Variants in ASIC2 observed in about 807,000 individuals in gnomAD.
ASIC2 encodes acid sensing ion channel subunit 2, also known as acid-sensing ion channel 2.
ASIC2 carries 25 observed loss-of-function variants against 57.3 expected under a neutral mutation model. The observed-to-expected ratio is 0.44, with a 90% CI of 0.32 to 0.61. ASIC2 has a LOEUF of 0.61. ASIC2 is among the 20% of genes least tolerant of loss of function. The pLI, the probability that ASIC2 is intolerant of heterozygous loss-of-function variation, is 0.06. For synonymous variants in ASIC2, 319 were observed against 307.5 expected (o/e 1.04, Z -0.39); for missense variants, 641 against 738.1 (o/e 0.87, Z 1.52).
chr17:33,022,288 T>G (rs115384161), intron 6 of ASIC2, among the ~76,000 whole-genome samples: 3,270 of 152,240 alleles, frequency 0.021, 119 homozygotes, highest in African/African-American at 0.072. Context: ...TTGATTCAAA[T>G]TAAATAAAAT....
chr17:33,331,100 T>G (rs1252595337), intron 1 of ASIC2, among the ~76,000 whole-genome samples: 1 of 152,132 alleles, frequency 6.6e-6, no homozygotes, highest in East Asian at 1.9e-4. Context: ...GTTAGATTCT[T>G]CTAGGAGCAC....
chr17:33,121,532 C>A (rs1030423477), intron 1 of ASIC2, among the ~76,000 whole-genome samples: 1 of 152,188 alleles, frequency 6.6e-6, no homozygotes, highest in African/African-American at 2.4e-5. Context: ...ATCCCCTAGA[C>A]TGGCTCCTTG....
chr17:33,994,844 C>T (rs55873051), intron 1 of ASIC2, among the ~76,000 whole-genome samples: 2,308 of 152,180 alleles, frequency 0.015, 34 homozygotes, highest in Admixed American at 0.033. Context: ...CCCAGATTGG[C>T]CTATTTGACC....
In ASIC2 at chr17:33,088,836, T is replaced by C. The variant is rs371416854; in HGVS notation, c.987+27A>G. 287 of 1,593,752 alleles carry C rather than the reference T, an allele frequency of 1.8e-4. 1 individual carries two copies. The African/African-American group carries it at 3.0e-3, about 17-fold the overall frequency. Reference sequence around the variant, plus strand: ...GGGGGTCGGGGGAGGCTGAGGACCATCAATCCTGGGAGCCCAGGGAACTTA... The same window carrying C: ...GGGGGTCGGGGGAGGCTGAGGACCACCAATCCTGGGAGCCCAGGGAACTTA... On this transcript the variant is annotated intron_variant, in intron 3 of 9. Coordinates refer to ENST00000225823, the MANE Select transcript of ASIC2 (RefSeq NM_183377.2).
intron 1 of ASIC2, among the ~76,000 whole-genome samples, chr17:33,366,562 T>A (rs1355264332): frequency 6.6e-6 from 1 of 152,242 alleles, no homozygotes; most frequent in African/African-American, 2.4e-5. Context: ...CCCTCAAATC[T>A]AGATCAAGGA....
At chr17:33,528,683 C>A (rs1304434820) in intron 1 of ASIC2, among the ~76,000 whole-genome samples, 1 of 152,160 alleles carries the variant, frequency 6.6e-6, no homozygotes, top group East Asian at 1.9e-4. Context: ...GCAAGGCTAG[C>A]CGTGCTGCTC....
At position 33,845,347 on chromosome 17, in the gene ASIC2, G is replaced by T. The variant is rs549384638; in HGVS notation, c.555+310631C>A. Among the ~76,000 whole-genome samples the T allele has an allele frequency of 4.8e-4, 73 of 152,194 alleles. 1 individual carries two copies. In the South Asian group the frequency reaches 0.012, roughly 25 times the overall value. The stretch of plus-strand genomic sequence containing the variant: ...AAACTGATCAACTCTCCACCATTTT[G>T]TTTTACGAGTAATATTACCAGAATG... On this transcript the variant is annotated intron_variant, in intron 1 of 9. Transcript: ENST00000359872.
At chr17:33,153,753 C>T (rs1904888739) in intron 1 of ASIC2, among the ~76,000 whole-genome samples, 1 of 152,164 alleles carries the variant, frequency 6.6e-6, no homozygotes, top group Admixed American at 6.5e-5. Flanking sequence ...ACATCAGCTC[C>T]CTTAGGGACT....
At chr17:33,970,201 TATG>T (rs1454818368) in intron 1 of ASIC2, among the ~76,000 whole-genome samples, 11 of 152,154 alleles carry the variant, frequency 7.2e-5, no homozygotes, top group African/African-American at 2.7e-4. Context: ...CACCTTTCAT[TATG>T]ACAACAAAAC....
At chr17:33,739,883 A>G (rs1489485525) in intron 1 of ASIC2, among the ~76,000 whole-genome samples, 1 of 151,434 alleles carries the variant, frequency 6.6e-6, no homozygotes, top group Non-Finnish European at 1.5e-5. Context: ...GAAAAAAGAA[A>G]AGGAAAGAAA....
chr17:33,830,385 C>A (rs1458474224), intron 1 of ASIC2, among the ~76,000 whole-genome samples: 2 of 152,140 alleles, frequency 1.3e-5, no homozygotes. Context: ...TTCACCTGTT[C>A]TTGGCATGAG....
In ASIC2 at chr17:34,156,444, C is replaced by T. The variant is rs1904725672; in HGVS notation, c.89G>A (p.Arg30His). 1 of 1,614,138 alleles carries T rather than the reference C, an allele frequency of 6.2e-7. No individual in the cohort carries two copies. The highest frequency in any genetic ancestry group is 8.5e-7 in the Non-Finnish European group (1 of 1,180,006). Residue 30 changes from arginine to histidine, a missense_variant, in exon 1 of 10, where the codon CGC becomes CAC. Transcript: ENST00000359872. The surrounding 1 kb of genome is among the most constrained non-coding windows in gnomAD (Gnocchi z 4.4). ...CAGCGGCCCATACACGAAGATGTGG[C>T]GGATGCCATGGAGGGTGGAGGTGTT...
intron 1 of ASIC2, among the ~76,000 whole-genome samples, chr17:33,798,418 G>A (rs1268238400): frequency 2.0e-5 from 3 of 152,146 alleles, no homozygotes; most frequent in South Asian, 2.1e-4. Context: ...CAGTGGTGAC[G>A]CATGAATTAG....
At chr17:33,150,849 CAA>C (rs61602373) in intron 1 of ASIC2, among the ~76,000 whole-genome samples, 3 of 18,920 alleles carry the variant, frequency 1.6e-4, no homozygotes, top group Non-Finnish European at 1.6e-4. Context: ...GACTCCGTCT[CAA>C]AAAAAAAAAA....
At chr17:33,706,262 G>A (rs1056421749) in intron 1 of ASIC2, among the ~76,000 whole-genome samples, 3 of 147,876 alleles carry the variant, frequency 2.0e-5, no homozygotes, top group Non-Finnish European at 4.5e-5. Context: ...TGGCTCTGTC[G>A]CTTAGGCTGG....
chr17:33,813,346 C>T (rs1187317176), intron 1 of ASIC2, among the ~76,000 whole-genome samples: 1 of 152,118 alleles, frequency 6.6e-6, no homozygotes, highest in Non-Finnish European at 1.5e-5. Context: ...CAACCGCACT[C>T]AAGGTTGAAA....
At chr17:33,665,356 T>A (rs1375777052) in intron 1 of ASIC2, among the ~76,000 whole-genome samples, 1 of 152,104 alleles carries the variant, frequency 6.6e-6, no homozygotes, top group Non-Finnish European at 1.5e-5. Context: ...AATGGCACCG[T>A]GATGTAAAGC....
intron 1 of ASIC2, among the ~76,000 whole-genome samples, chr17:33,933,983 G>A (rs542321209): frequency 9.3e-4 from 141 of 152,370 alleles, no homozygotes; most frequent in African/African-American, 3.4e-3. Context: ...TTAATCAACA[G>A]AACGTATTTG....
intron 1 of ASIC2, among the ~76,000 whole-genome samples, chr17:33,591,483 C>G (rs1338753783): frequency 2.0e-5 from 3 of 152,206 alleles, no homozygotes; most frequent in Non-Finnish European, 4.4e-5. Flanking sequence ...CTGTCGGCAG[C>G]CGCCATCAAT....
Sources: allele counts gnomAD v4.1 joint callset (sites outside exome capture counted in the v4.1 genomes callset), GRCh38; gene constraint gnomAD v4.1.1; non-coding constraint Gnocchi (gnomAD v3.1); transcripts MANE v1.5; gene names NCBI Gene and HGNC (gene_info 2026-07-23, HGNC 2026-07-21).